LUZP2: variants seen among roughly 807,000 people sequenced by gnomAD.
LUZP2 encodes leucine zipper protein 2.
LUZP2 carries 52 observed loss-of-function variants against 51.6 expected under a neutral mutation model. The observed-to-expected ratio is 1.01, with a 90% CI of 0.81 to 1.27. LUZP2 has a LOEUF of 1.27. Ranked by LOEUF, LUZP2 falls within the 50% of genes most tolerant of loss-of-function variation. The pLI, the probability that LUZP2 is intolerant of heterozygous loss-of-function variation, is 0.00. For missense variants in LUZP2, 436 were observed against 395.4 expected, an observed-to-expected ratio of 1.10 and a Z score of -0.87; for synonymous variants, 154 against 137.3, an observed-to-expected ratio of 1.12 and a Z score of -0.85.
At chr11:25,059,866 C>G (rs10437618) in intron 10 of LUZP2, among the ~76,000 whole-genome samples, 8 of 151,816 alleles carry the variant, frequency 5.3e-5, no homozygotes, top group Admixed American at 5.2e-4. Context: ...AGTATCAGTG[C>G]TTCTATTATG....
chr11:24,625,085 G>GCATAAC, intron 1 of LUZP2, among the ~76,000 whole-genome samples: 2 of 152,006 alleles, frequency 1.3e-5, no homozygotes, highest in African/African-American at 4.8e-5. Flanking sequence ...TAAGCCAGAT[G>GCATAAC]CAGAAAGACA....
At chr11:24,898,638 A>C (rs1853166163) in intron 5 of LUZP2, among the ~76,000 whole-genome samples, 3 of 152,176 alleles carry the variant, frequency 2.0e-5, no homozygotes, top group Non-Finnish European at 1.5e-5. Context: ...GAAAAAAAAA[A>C]AAACAAGAGT....
chr11:24,750,930 T>C (rs1402792697), intron 4 of LUZP2, among the ~76,000 whole-genome samples: 1 of 152,198 alleles, frequency 6.6e-6, no homozygotes, highest in African/African-American at 2.4e-5. Flanking sequence ...ATTCTTGACT[T>C]TCTACACTTT....
chr11:24,827,189 T>A (rs543386469), intron 5 of LUZP2, among the ~76,000 whole-genome samples: 8 of 152,288 alleles, frequency 5.3e-5, no homozygotes, highest in Non-Finnish European at 1.2e-4. Context: ...GGACCTTGGA[T>A]TTGTAGCATT....
intron 1 of LUZP2, among the ~76,000 whole-genome samples, chr11:24,549,290 A>G (rs1407069146): frequency 3.3e-5 from 5 of 152,126 alleles, no homozygotes; most frequent in Non-Finnish European, 7.4e-5. Flanking sequence ...GATTATCAAT[A>G]TCACTGTCAC....
At chr11:24,736,462 C>T (rs1858939884) in intron 3 of LUZP2, among the ~76,000 whole-genome samples, 2 of 148,310 alleles carry the variant, frequency 1.3e-5, no homozygotes, top group Admixed American at 1.3e-4. Context: ...TTTGGGATAA[C>T]ATGTAGGTCC....
intron 9 of LUZP2, among the ~76,000 whole-genome samples, chr11:25,030,315 A>T (rs1857607879): frequency 6.6e-6 from 1 of 152,148 alleles, no homozygotes; most frequent in African/African-American, 2.4e-5. Context: ...GTATGAGATA[A>T]TACTGTAATT....
intron 1 of LUZP2, among the ~76,000 whole-genome samples, chr11:24,520,075 C>T (rs1475379451): frequency 6.6e-6 from 1 of 151,950 alleles, no homozygotes; most frequent in Non-Finnish European, 1.5e-5. Context: ...TTTAAAATGG[C>T]ATAATAAAGC....
At chr11:24,525,507 G>C (rs1406913345) in intron 1 of LUZP2, among the ~76,000 whole-genome samples, 1 of 151,454 alleles carries the variant, frequency 6.6e-6, no homozygotes, top group African/African-American at 2.4e-5. Context: ...TTAAATTGCT[G>C]TAACGTAAAG....
intron 7 of LUZP2, among the ~76,000 whole-genome samples, chr11:24,973,364 G>GTTT (rs369095558): frequency 2.9e-4 from 30 of 103,002 alleles, no homozygotes; most frequent in East Asian, 1.2e-3. Flanking sequence ...ATATTTATTA[G>GTTT]TTTTTTTTTT....
At chr11:24,912,286 T>G (rs1853658625) in intron 6 of LUZP2, among the ~76,000 whole-genome samples, 1 of 152,080 alleles carries the variant, frequency 6.6e-6, no homozygotes, top group Admixed American at 6.6e-5. Flanking sequence ...TTGTTCTTTC[T>G]TGTTAACTTC....
chr11:24,681,106 C>A (rs937813067), intron 1 of LUZP2, among the ~76,000 whole-genome samples: 1 of 152,008 alleles, frequency 6.6e-6, no homozygotes, highest in African/African-American at 2.4e-5. Context: ...CTCAGCCTCC[C>A]GAGTAGTTGG....
intron 10 of LUZP2, among the ~76,000 whole-genome samples, chr11:25,071,308 A>G (rs1231850980): frequency 6.6e-6 from 1 of 152,026 alleles, no homozygotes; most frequent in Non-Finnish European, 1.5e-5. Flanking sequence ...TGACGAGTTA[A>G]CGGGTGCAGC....
chr11:24,947,947 C>T lies in LUZP2; in HGVS notation c.523-28644C>T, dbSNP rs184261453. 5.3e-5 allele frequency among the ~76,000 whole-genome samples: 8 copies of T among 151,802 alleles called. No individual in the cohort carries two copies. In the East Asian group the frequency reaches 5.8e-4, roughly 11 times the overall value. ...GATATGTCTGAGCATCAATTCTTTG[C>T]GTTTGTCTTATGTGAAGATTGTTGA... is the stretch of plus-strand genomic sequence containing the variant. On this transcript the variant is annotated intron_variant, in intron 7 of 11. Coordinates refer to ENST00000336930, the MANE Select transcript of LUZP2 (RefSeq NM_001009909.4).
intron 2 of LUZP2, 45 bp from the exon 3 acceptor site, chr11:24,732,073 A>G (rs1347016255): frequency 2.1e-6 from 3 of 1,460,848 alleles, no homozygotes; most frequent in South Asian, 1.2e-5. Context: ...GTGAGTCTCA[A>G]TTTCTCACCT....
chr11:25,048,821 T>C (rs190783688), intron 9 of LUZP2, among the ~76,000 whole-genome samples: 1 of 151,438 alleles, frequency 6.6e-6, no homozygotes, highest in African/African-American at 2.4e-5. Context: ...TTTTTATTTA[T>C]TTATTTAATT....
chr11:24,968,387 A>C (rs964087014), intron 7 of LUZP2, among the ~76,000 whole-genome samples: 2 of 152,202 alleles, frequency 1.3e-5, no homozygotes, highest in Non-Finnish European at 2.9e-5. Flanking sequence ...AAAATCAGTC[A>C]GTAAGCAAGA....
intron 1 of LUZP2, among the ~76,000 whole-genome samples, chr11:24,561,154 A>G (rs1852027090): frequency 6.6e-6 from 1 of 152,204 alleles, no homozygotes; most frequent in African/African-American, 2.4e-5. Flanking sequence ...AGATATTCAG[A>G]TGGATAGCAC....
intron 9 of LUZP2, among the ~76,000 whole-genome samples, chr11:24,985,775 G>A (rs966940709): frequency 6.6e-6 from 1 of 151,676 alleles, no homozygotes; most frequent in Non-Finnish European, 1.5e-5. Context: ...AAAACCAAGT[G>A]CCCGTATCCA....
Sources: gnomAD v4.1 joint callset for allele counts (sites outside exome capture counted in the v4.1 genomes callset) on GRCh38, gnomAD v4.1.1 for gene constraint, MANE v1.5 for transcripts, NCBI Gene and HGNC (gene_info 2026-07-23, HGNC 2026-07-21) for gene names.